The following SLC24A2 variants were observed in gnomAD, a reference collection of about 807,000 sequenced individuals.
SLC24A2 encodes the protein solute carrier family 24 member 2.
SLC24A2 carries 36 observed loss-of-function variants against 62.0 expected under a neutral mutation model. The ratio of observed to expected loss-of-function variants is 0.58; its 90% CI spans 0.44 to 0.77. SLC24A2 has a LOEUF of 0.77. Among genes scored for constraint, SLC24A2 ranks in the 30% least tolerant of loss-of-function variants. The probability of loss-of-function intolerance (pLI) is 0.00; values close to 1 mark genes in which losing one functional copy is unlikely to be tolerated. For missense variants in SLC24A2, 846 were observed against 817.9 expected (o/e 1.03, Z -0.42); for synonymous variants, 358 against 294.0 (o/e 1.22, Z -2.23).
At chr9:20,260,777 T>A in the SLC24A2 span, among the ~76,000 whole-genome samples, 3 of 151,714 alleles carry the variant, frequency 2.0e-5, no homozygotes, top group African/African-American at 2.4e-5. Flanking sequence ...CTGTACCCAA[T>A]GTGTAGTCCT....
the SLC24A2 span, among the ~76,000 whole-genome samples, chr9:20,061,025 A>C: frequency 6.6e-6 from 1 of 152,242 alleles, no homozygotes; most frequent in Non-Finnish European, 1.5e-5. Context: ...CGTTGCTGAA[A>C]GTAATTTAAA....
At chr9:20,228,458 G>C in the SLC24A2 span, among the ~76,000 whole-genome samples, 4 of 151,944 alleles carry the variant, frequency 2.6e-5, no homozygotes, top group South Asian at 8.3e-4. Flanking sequence ...AAGAGAGCTG[G>C]CACCCCAAAT....
intron 2 of SLC24A2, among the ~76,000 whole-genome samples, chr9:19,780,331 G>C (rs1003443919): frequency 6.7e-6 from 1 of 150,224 alleles, no homozygotes; most frequent in African/African-American, 2.4e-5. Context: ...GCAGTGGCAC[G>C]ATCTTGGCTC....
chr9:20,032,710 C>T, the SLC24A2 span, among the ~76,000 whole-genome samples: 3 of 152,090 alleles, frequency 2.0e-5, no homozygotes, highest in Non-Finnish European at 2.9e-5. Context: ...CATTATTTAT[C>T]GTAGAAAGCA....
At chr9:19,661,921 G>A (rs1016996589) in intron 2 of SLC24A2, among the ~76,000 whole-genome samples, 15 of 152,120 alleles carry the variant, frequency 9.9e-5, no homozygotes, top group African/African-American at 3.4e-4. Flanking sequence ...GCTCCATCCA[G>A]ACCACCTAAA....
the SLC24A2 span, among the ~76,000 whole-genome samples, chr9:20,072,252 T>C: frequency 1.3e-5 from 2 of 152,164 alleles, no homozygotes; most frequent in Admixed American, 6.6e-5. Flanking sequence ...TCCTTCTTGG[T>C]CTCTCTGTGC....
chr9:20,270,897 A>C, the SLC24A2 span, among the ~76,000 whole-genome samples: 1 of 152,216 alleles, frequency 6.6e-6, no homozygotes, highest in South Asian at 2.1e-4. Context: ...TAGTCTTCTT[A>C]AATAAATGGG....
intron 7 of SLC24A2, among the ~76,000 whole-genome samples, chr9:19,559,436 G>T (rs1156778624): frequency 6.6e-6 from 1 of 152,094 alleles, no homozygotes; most frequent in Non-Finnish European, 1.5e-5. Context: ...GAGAAAATAC[G>T]ATTTTATTCC....
At chr9:19,564,053 G>C (rs1428686157) in intron 7 of SLC24A2, among the ~76,000 whole-genome samples, 1 of 151,766 alleles carries the variant, frequency 6.6e-6, no homozygotes, top group Non-Finnish European at 1.5e-5. Flanking sequence ...GAGTGTTTTT[G>C]TGATGTTGCC....
In SLC24A2 at chr9:19,786,059, A is replaced by G. The variant is rs1386380562; in HGVS notation, c.808T>C (p.Leu270=). 1 of 1,614,140 alleles carries G rather than the reference A, an allele frequency of 6.2e-7. No individual in the cohort carries two copies. Among genetic ancestry groups the G allele is most frequent in the African/African-American group, 1.3e-5 (1 of 74,950 alleles). The change falls in exon 2 of 11, where the codon TTA becomes CTA. Residue 270 remains leucine (L), a synonymous_variant. Coordinates refer to ENST00000341998, the MANE Select transcript of SLC24A2 (RefSeq NM_020344.4). The surrounding 1 kb of genome is among the most constrained non-coding windows in gnomAD (Gnocchi z 5.0). ...ACCACATAGCAAAAATAAGCTGTTAAGAGAAGCAAGCTTTCCCACCACATG... is the reference window on the plus strand; with the variant it reads ...ACCACATAGCAAAAATAAGCTGTTAGGAGAAGCAAGCTTTCCCACCACATG... ...VIMWWESLLL[L]TAYFCYVVFM... is the part of the protein sequence containing the mutation.
chr9:20,175,597 A>G, the SLC24A2 span, among the ~76,000 whole-genome samples: 1 of 152,034 alleles, frequency 6.6e-6, no homozygotes, highest in African/African-American at 2.4e-5. Flanking sequence ...TGCAAGATAC[A>G]CTAAAAACCG....
chr9:20,176,165 C>A, the SLC24A2 span, among the ~76,000 whole-genome samples: 1 of 152,010 alleles, frequency 6.6e-6, no homozygotes, highest in Non-Finnish European at 1.5e-5. Flanking sequence ...TGGTTCTAGG[C>A]TACGGTTCCA....
the SLC24A2 span, among the ~76,000 whole-genome samples, chr9:20,118,558 A>G: frequency 6.6e-6 from 1 of 151,694 alleles, no homozygotes; most frequent in African/African-American, 2.4e-5. Flanking sequence ...TTTATTTTTT[A>G]TTTTACAGCC....
At chr9:19,670,259 T>C (rs1223665725) in intron 2 of SLC24A2, among the ~76,000 whole-genome samples, 1 of 152,330 alleles carries the variant, frequency 6.6e-6, no homozygotes, top group East Asian at 1.9e-4. Context: ...TTATCTCATC[T>C]AGCCTGGGTT....
intron 2 of SLC24A2, among the ~76,000 whole-genome samples, chr9:19,661,310 GACCAGTCCTTA>G (rs1177358232): frequency 6.6e-6 from 1 of 150,780 alleles, no homozygotes; most frequent in Non-Finnish European, 1.5e-5. Flanking sequence ...CACCTCTAAT[GACCAGTCCTTA>G]ACCACATTGT....
the SLC24A2 span, among the ~76,000 whole-genome samples, chr9:19,996,211 G>T: frequency 6.6e-6 from 1 of 152,130 alleles, no homozygotes; most frequent in Non-Finnish European, 1.5e-5. Context: ...GCATCAAAGG[G>T]TTTGATTTTA....
the SLC24A2 span, among the ~76,000 whole-genome samples, chr9:20,005,258 G>A: frequency 6.6e-6 from 1 of 152,058 alleles, no homozygotes; most frequent in African/African-American, 2.4e-5. Flanking sequence ...TGAACAAATT[G>A]TTGGACTTGG....
At chr9:20,185,644 G>T in the SLC24A2 span, among the ~76,000 whole-genome samples, 2 of 142,646 alleles carry the variant, frequency 1.4e-5, no homozygotes. Context: ...CAGCCTGGGA[G>T]ACAGAGCGAG....
the SLC24A2 span, chr9:19,925,946 T>C: frequency 6.6e-6 from 1 of 152,208 alleles, no homozygotes; most frequent in South Asian, 2.1e-4. Context: ...AACCTGCAGA[T>C]TGAGCAAGAC....
Sources: gnomAD v4.1 joint callset for allele counts (sites outside exome capture counted in the v4.1 genomes callset) on GRCh38, gnomAD v4.1.1 for gene constraint, Gnocchi (gnomAD v3.1) non-coding constraint, MANE v1.5 for transcripts, NCBI Gene and HGNC (gene_info 2026-07-23, HGNC 2026-07-21) for gene names.